The following DOCK1 variants were observed in gnomAD, a reference collection of about 807,000 sequenced individuals.
DOCK1 encodes dedicator of cytokinesis 1.
In DOCK1, 138 loss-of-function variants were observed where a neutral mutation model predicts 262.7. The observed-to-expected ratio is 0.53, with a 90% CI of 0.46 to 0.61. The LOEUF is 0.61. DOCK1 is among the 20% of genes least tolerant of loss of function. The pLI, the probability that DOCK1 is intolerant of heterozygous loss-of-function variation, is 0.00. For missense variants in DOCK1, 1,908 were observed against 2,370.7 expected (o/e 0.80, Z 4.05); for synonymous variants, 866 against 867.4 (o/e 1.00, Z 0.03).
intron 50 of DOCK1, among the ~76,000 whole-genome samples, chr10:127,445,513 A>G (rs905322873): frequency 9.2e-5 from 14 of 152,188 alleles, no homozygotes; most frequent in Non-Finnish European, 2.1e-4. Flanking sequence ...CACTATTACT[A>G]CATGATCTTT....
chr10:127,297,075 G>C (rs959922497), intron 29 of DOCK1, among the ~76,000 whole-genome samples: 9 of 152,224 alleles, frequency 5.9e-5, no homozygotes, highest in African/African-American at 2.2e-4. Context: ...ACGGTGTGCA[G>C]AGGAGGGGTG....
rs940340445 is a variant in DOCK1 at position 126,953,282 on chromosome 10, G to T, written c.47-17420G>T. ...TGATGGTGGTGGTGGTAGTGTTGTGGTGTGGTGTGGTGGTAGTGGTGATGG... is the reference window on the plus strand; with the variant it reads ...TGATGGTGGTGGTGGTAGTGTTGTGTTGTGGTGTGGTGGTAGTGGTGATGG... On this transcript the variant is annotated intron_variant, in intron 1 of 51. Transcript: ENST00000623213. 6.0e-5 allele frequency among the ~76,000 whole-genome samples: 9 copies of T among 150,186 alleles called. No homozygotes were observed. In the South Asian group the frequency reaches 1.9e-3, roughly 32 times the overall value.
intron 5 of DOCK1, among the ~76,000 whole-genome samples, chr10:126,990,145 A>C (rs2134995610): frequency 6.6e-6 from 1 of 152,346 alleles, no homozygotes; most frequent in Admixed American, 6.5e-5. Flanking sequence ...GCTCACGAGC[A>C]GGTGTTGACG....
At chr10:126,921,186 T>G (rs2033153096) in intron 1 of DOCK1, among the ~76,000 whole-genome samples, 1 of 123,830 alleles carries the variant, frequency 8.1e-6, no homozygotes. Context: ...AGCAGAAGAG[T>G]AAGACTCTAT....
intron 29 of DOCK1, among the ~76,000 whole-genome samples, chr10:127,275,920 A>G (rs1471311335): frequency 5.9e-5 from 9 of 152,218 alleles, no homozygotes; most frequent in Non-Finnish European, 1.2e-4. Flanking sequence ...CCTTTCACCA[A>G]TTTCCCCGCT....
chr10:127,242,074 G>T (rs1193152756), intron 27 of DOCK1, among the ~76,000 whole-genome samples: 2 of 152,126 alleles, frequency 1.3e-5, no homozygotes, highest in Non-Finnish European at 2.9e-5. Context: ...GAGGGCAGTT[G>T]GTACCCACTC....
At chr10:127,230,912 T>C (rs1015718842) in intron 27 of DOCK1, among the ~76,000 whole-genome samples, 1 of 152,148 alleles carries the variant, frequency 6.6e-6, no homozygotes, top group Admixed American at 6.5e-5. Flanking sequence ...ATATGGATAT[T>C]ATAGCAATGT....
chr10:126,968,509 G>C (rs1057212143), intron 1 of DOCK1, among the ~76,000 whole-genome samples: 3 of 152,120 alleles, frequency 2.0e-5, no homozygotes, highest in Non-Finnish European at 4.4e-5. Flanking sequence ...GCTTTCCACT[G>C]TCTGCTTTAG....
At chr10:126,913,506 C>T (rs761359797) in intron 1 of DOCK1, among the ~76,000 whole-genome samples, 4 of 152,182 alleles carry the variant, frequency 2.6e-5, no homozygotes, top group African/African-American at 4.8e-5. Flanking sequence ...CCCTCCGTGG[C>T]CTTGGGCCGT....
intron 29 of DOCK1, among the ~76,000 whole-genome samples, chr10:127,330,280 C>T (rs1004790426): frequency 2.0e-4 from 31 of 152,134 alleles, no homozygotes; most frequent in African/African-American, 7.0e-4. Flanking sequence ...AGAACCAACA[C>T]AGGCACACCT....
At chr10:126,906,661 T>G (rs1262547337) in intron 1 of DOCK1, among the ~76,000 whole-genome samples, 2 of 152,216 alleles carry the variant, frequency 1.3e-5, no homozygotes, top group Admixed American at 1.3e-4. Flanking sequence ...GCGCCCATTC[T>G]GTGCCTGGCC....
chr10:127,135,047 C>T (rs2050572112), intron 27 of DOCK1, among the ~76,000 whole-genome samples: 1 of 152,208 alleles, frequency 6.6e-6, no homozygotes, highest in South Asian at 2.1e-4. Context: ...AGCTACCTCC[C>T]CTGGGCCATG....
intron 23 of DOCK1, among the ~76,000 whole-genome samples, chr10:127,089,164 C>G (rs2047369350): frequency 6.6e-6 from 1 of 152,224 alleles, no homozygotes; most frequent in Non-Finnish European, 1.5e-5. Context: ...GTGGCCCGCA[C>G]TGCCCTTGAT....
Position 127,437,430 on chromosome 10 carries a change from A to G in DOCK1, c.5061-1597A>G, listed in dbSNP as rs7071543. Among the ~76,000 whole-genome samples the G allele has an allele frequency of 6.6e-6, 1 of 151,812 alleles. No homozygotes were observed. The highest frequency in any genetic ancestry group is 2.1e-4 in the South Asian group (1 of 4,806). ...TTATGGGACACACAACATGGAAATA[A>G]TCAACAGTGAGCAAATCAATGGGGA... On this transcript the variant is annotated intron_variant, in intron 48 of 51. Coordinates refer to ENST00000623213, the MANE Select transcript of DOCK1 (RefSeq NM_001290223.2). The surrounding 1 kb of genome is among the most constrained non-coding windows in gnomAD (Gnocchi z 4.4).
intron 49 of DOCK1, among the ~76,000 whole-genome samples, chr10:127,439,740 C>G (rs1231891437): frequency 2.0e-5 from 3 of 152,194 alleles, no homozygotes; most frequent in Non-Finnish European, 4.4e-5. Flanking sequence ...GTCTCATCTG[C>G]TCCACCTTTA....
At chr10:127,347,866 T>TGCTAAG (rs2063714465) in intron 31 of DOCK1, among the ~76,000 whole-genome samples, 1 of 37,106 alleles carries the variant, frequency 2.7e-5, no homozygotes, top group African/African-American at 1.3e-4. Context: ...TCCCTTCCCT[T>TGCTAAG]CCCTTCCCTT....
intron 27 of DOCK1, among the ~76,000 whole-genome samples, chr10:127,141,633 T>C (rs2051257099): frequency 6.6e-6 from 1 of 151,728 alleles, no homozygotes; most frequent in African/African-American, 2.4e-5. Context: ...ATCGTGCCAC[T>C]GCACTCCACC....
intron 23 of DOCK1, among the ~76,000 whole-genome samples, chr10:127,088,491 C>A (rs956094040): frequency 6.6e-6 from 1 of 152,146 alleles, no homozygotes; most frequent in African/African-American, 2.4e-5. Flanking sequence ...TCTCTGAACT[C>A]TTGCTTTTAT....
intron 27 of DOCK1, among the ~76,000 whole-genome samples, chr10:127,169,364 C>T (rs2054358600): frequency 6.6e-6 from 1 of 152,184 alleles, no homozygotes; most frequent in African/African-American, 2.4e-5. Flanking sequence ...TCCATCACTT[C>T]AGTGATGTTT....
Sources: gnomAD v4.1 joint callset for allele counts (sites outside exome capture counted in the v4.1 genomes callset) on GRCh38, gnomAD v4.1.1 for gene constraint, Gnocchi (gnomAD v3.1) non-coding constraint, MANE v1.5 for transcripts, NCBI Gene and HGNC (gene_info 2026-07-23, HGNC 2026-07-21) for gene names.